SLC24A2: variants seen among roughly 807,000 people sequenced by gnomAD.
SLC24A2 encodes sodium/potassium/calcium exchanger 2.
In SLC24A2, 36 loss-of-function variants were observed where a neutral mutation model predicts 62.0. The ratio of observed to expected loss-of-function variants is 0.58; its 90% confidence interval spans 0.44 to 0.77. SLC24A2 has a LOEUF of 0.77. Ranked by LOEUF, SLC24A2 falls within the 30% of genes least tolerant of loss-of-function variation. The pLI, the probability that SLC24A2 is intolerant of heterozygous loss-of-function variation, is 0.00. For missense variants in SLC24A2, 846 were observed against 817.9 expected (o/e 1.03, Z -0.42); for synonymous variants, 358 against 294.0 (o/e 1.22, Z -2.23).
chr9:19,894,510 T>G, the SLC24A2 span, among the ~76,000 whole-genome samples: 1 of 150,164 alleles, frequency 6.7e-6, no homozygotes, highest in East Asian at 1.9e-4. Flanking sequence ...GCCAATTTTG[T>G]TTTTTTTTAT....
the SLC24A2 span, among the ~76,000 whole-genome samples, chr9:19,842,392 A>T: frequency 6.6e-6 from 1 of 152,224 alleles, no homozygotes; most frequent in African/African-American, 2.4e-5. Flanking sequence ...CTCAGTTATG[A>T]TGTAGTTAGG....
chr9:19,957,052 C>T, the SLC24A2 span, among the ~76,000 whole-genome samples: 1 of 152,134 alleles, frequency 6.6e-6, no homozygotes, highest in Admixed American at 6.5e-5. Flanking sequence ...GTTGTAACAG[C>T]CTGAACTGAC....
the SLC24A2 span, among the ~76,000 whole-genome samples, chr9:19,876,874 G>T: frequency 3.9e-5 from 6 of 152,118 alleles, no homozygotes; most frequent in South Asian, 1.0e-3. Context: ...ATCTAAGTAA[G>T]TTCAAGCTGC....
the SLC24A2 span, among the ~76,000 whole-genome samples, chr9:20,221,616 G>A: frequency 4.0e-5 from 6 of 151,896 alleles, no homozygotes; most frequent in African/African-American, 1.5e-4. Flanking sequence ...GATCGGAAGT[G>A]CATCCTCAAG....
chr9:20,280,319 T>G, the SLC24A2 span, among the ~76,000 whole-genome samples: 1 of 152,176 alleles, frequency 6.6e-6, no homozygotes, highest in Non-Finnish European at 1.5e-5. Context: ...CCCTTGTTAG[T>G]CATTGGCCTT....
At chr9:20,301,023 A>C in the SLC24A2 span, among the ~76,000 whole-genome samples, 1,564 of 152,318 alleles carry the variant, frequency 0.01, 17 homozygotes, top group Non-Finnish European at 0.018. Context: ...ACCACAAGAA[A>C]GGTCTGGTGA....
At chr9:19,557,580 G>C (rs550278454) in intron 7 of SLC24A2, among the ~76,000 whole-genome samples, 3 of 152,172 alleles carry the variant, frequency 2.0e-5, no homozygotes, top group African/African-American at 7.2e-5. Flanking sequence ...AATCTGTGCT[G>C]AATAAATGCT....
At position 19,654,031 on chromosome 9, in the gene SLC24A2, G is replaced by C. The variant is rs977764501; in HGVS notation, c.931-31732C>G. Reference sequence around the variant, plus strand: ...GTGTAACCACCACCACCGCACTCACGATACAGAACATTTCCATCACTTCAA... The same window carrying C: ...GTGTAACCACCACCACCGCACTCACCATACAGAACATTTCCATCACTTCAA... On this transcript the variant is annotated intron_variant, in intron 2 of 10. Coordinates refer to ENST00000341998, the MANE Select transcript of SLC24A2 (RefSeq NM_020344.4). Among the ~76,000 whole-genome samples, 3 of 152,274 alleles carry C rather than the reference G, an allele frequency of 2.0e-5. No homozygotes were observed. The South Asian group carries it at 6.2e-4, about 32-fold the overall frequency.
the SLC24A2 span, among the ~76,000 whole-genome samples, chr9:20,186,213 C>G: frequency 6.6e-6 from 1 of 152,268 alleles, no homozygotes; most frequent in Non-Finnish European, 1.5e-5. Context: ...AATTTGATGT[C>G]CACCTTGTTT....
chr9:19,597,225 T>C lies in SLC24A2; in HGVS notation c.1129+4A>G. The C allele has an allele frequency of 6.4e-7, 1 of 1,569,270 alleles. No homozygotes were observed. The highest frequency in any genetic ancestry group is 8.8e-7 in the Non-Finnish European group (1 of 1,139,280). On this transcript the variant is annotated splice_donor_region_variant and intron_variant, in intron 5 of 10. Coordinates refer to ENST00000341998, the MANE Select transcript of SLC24A2 (RefSeq NM_020344.4). ...AATGCATACAATTCTAAAATCATTC[T>C]TACCTTCTTCAGTCATTGTGTCATA...
At chr9:20,058,697 T>G in the SLC24A2 span, among the ~76,000 whole-genome samples, 3 of 152,210 alleles carry the variant, frequency 2.0e-5, no homozygotes, top group African/African-American at 7.2e-5. Flanking sequence ...ACCCAGGAGT[T>G]CAAGGCTGCA....
chr9:19,982,451 G>A, the SLC24A2 span, among the ~76,000 whole-genome samples: 25 of 152,086 alleles, frequency 1.6e-4, no homozygotes, highest in South Asian at 6.2e-4. Context: ...ACAATTAAAA[G>A]ATTTATAGCA....
intron 5 of SLC24A2, among the ~76,000 whole-genome samples, chr9:19,577,952 T>C (rs10738543): frequency 0.7 from 106,048 of 151,374 alleles, 38,243 homozygotes; most frequent in South Asian, 0.82. Context: ...CTGAATGAGA[T>C]TGGAGACTCT....
At chr9:20,259,073 A>T in the SLC24A2 span, among the ~76,000 whole-genome samples, 1 of 152,186 alleles carries the variant, frequency 6.6e-6, no homozygotes, top group Admixed American at 6.5e-5. Flanking sequence ...AGTAAGAGAG[A>T]TGCAACATTG....
rs1219728894 is a variant in SLC24A2 at position 19,516,531 on chromosome 9, G to A, written c.1737-129C>T. The A allele has an allele frequency of 3.4e-6, 4 of 1,163,986 alleles. No homozygotes were observed. The African/African-American group carries it at 6.2e-5, about 18-fold the overall frequency. The allele number at this position is 1,163,986 out of a possible 1,614,324, so 72.1% of individuals were successfully genotyped here. A position where few individuals can be genotyped will look rare whatever the true frequency, so the allele number is the denominator to read the frequency against. Reference sequence around the variant, plus strand: ...TAAACTGAAAAGGGTGTCTTGTTAGGTTCACTATGACTCGGGCATGGTTGG... The same window carrying A: ...TAAACTGAAAAGGGTGTCTTGTTAGATTCACTATGACTCGGGCATGGTTGG... On this transcript the variant is annotated intron_variant, in intron 10 of 10. Transcript: ENST00000341998.
the SLC24A2 span, among the ~76,000 whole-genome samples, chr9:19,965,795 C>T: frequency 8.5e-5 from 13 of 152,114 alleles, no homozygotes; most frequent in Admixed American, 8.5e-4. Flanking sequence ...AGTCATTTAC[C>T]ACGACCCATC....
chr9:19,670,998 T>C (rs188526576), intron 2 of SLC24A2, among the ~76,000 whole-genome samples: 37 of 152,254 alleles, frequency 2.4e-4, no homozygotes, highest in African/African-American at 8.7e-4. Flanking sequence ...GGAGGTTTGA[T>C]AATAAAGAGA....
chr9:19,712,759 G>T (rs939063825), intron 2 of SLC24A2, among the ~76,000 whole-genome samples: 1 of 152,070 alleles, frequency 6.6e-6, no homozygotes, highest in Non-Finnish European at 1.5e-5. Context: ...CTGGATCAGG[G>T]TTTCTTAACT....
At chr9:19,554,695 G>C (rs1036302575) in intron 7 of SLC24A2, among the ~76,000 whole-genome samples, 1 of 152,184 alleles carries the variant, frequency 6.6e-6, no homozygotes, top group African/African-American at 2.4e-5. Context: ...AAAGGGTGCG[G>C]ATGCACCCTT....
Sources: allele counts gnomAD v4.1 joint callset (sites outside exome capture counted in the v4.1 genomes callset), GRCh38; gene constraint gnomAD v4.1.1; transcripts MANE v1.5; gene names NCBI Gene and HGNC (gene_info 2026-07-23, HGNC 2026-07-21).